The following LMO3 variants were observed in gnomAD, a reference collection of about 807,000 sequenced individuals.
The protein encoded by LMO3 is LIM domain only protein 3.
Under a neutral mutation model 15.8 loss-of-function variants are expected in LMO3, and 2 were observed. The observed-to-expected ratio is 0.13, with a 90% CI of 0.05 to 0.40. The LOEUF is 0.40. Among genes scored for constraint, LMO3 ranks in the 10% least tolerant of loss-of-function variants. The pLI, the probability that LMO3 is intolerant of heterozygous loss-of-function variation, is 0.99. For synonymous variants in LMO3, 62 were observed against 63.8 expected (o/e 0.97, Z 0.13); for missense variants, 86 against 182.2 (o/e 0.47, Z 3.04).
intron 3 of LMO3, among the ~76,000 whole-genome samples, chr12:16,557,653 G>C (rs975582523): frequency 1.3e-5 from 2 of 152,022 alleles, no homozygotes; most frequent in African/African-American, 4.8e-5. Context: ...AGTCAAGTTA[G>C]TGGACTATTA....
chr12:16,581,589 A>G (rs1943160988), intron 2 of LMO3, among the ~76,000 whole-genome samples: 2 of 152,194 alleles, frequency 1.3e-5, no homozygotes. Context: ...TCTGAGTTTC[A>G]TTCTGTTGAC....
chr12:16,552,090 G>T (rs1428842625), intron 3 of LMO3, among the ~76,000 whole-genome samples: 1 of 152,016 alleles, frequency 6.6e-6, no homozygotes, highest in Admixed American at 6.6e-5. Flanking sequence ...ATTGTTTAAT[G>T]TGCAAGACTG....
chr12:16,605,722 A>C, intron 1 of LMO3: 1 of 1,510,378 alleles, frequency 6.6e-7, no homozygotes, highest in Non-Finnish European at 8.9e-7. Context: ...GTGTGGAAAT[A>C]CTGCAGTTCA....
chr12:16,590,309 A>T (rs910252488), intron 2 of LMO3, among the ~76,000 whole-genome samples: 1 of 152,088 alleles, frequency 6.6e-6, no homozygotes, highest in African/African-American at 2.4e-5. Context: ...ACAAACTCTC[A>T]TGTAACATTT....
intron 2 of LMO3, among the ~76,000 whole-genome samples, chr12:16,561,671 G>A (rs1942410854): frequency 3.3e-5 from 5 of 152,174 alleles, no homozygotes; most frequent in Admixed American, 1.3e-4. Flanking sequence ...ACTCCAAAGA[G>A]AAGTCTTTTC....
Position 16,598,830 on chromosome 12 carries a change from T to C in LMO3, c.206+1825A>G, listed in dbSNP as rs1484350178. 1 of 185,930 alleles carries C rather than the reference T, an allele frequency of 5.4e-6. No individual in the cohort carries two copies. Among genetic ancestry groups the C allele is most frequent in the Admixed American group, 5.9e-5 (1 of 16,926 alleles). The allele number at this position is 185,930 out of a possible 1,614,324, so 11.5% of individuals were successfully genotyped here. ...CCTTGGCAAATTTTTATTTTTGTTT[T>C]CAAAAACCCCAGATATTTCAGTTGA... On this transcript the variant is annotated intron_variant, in intron 2 of 3. Coordinates refer to ENST00000537304, the MANE Select transcript of LMO3 (RefSeq NM_018640.5). This position sits in a 1 kb window ranked among gnomAD's most constrained non-coding sequence, Gnocchi z 4.3.
chr12:16,551,018 T>G lies in LMO3; in HGVS notation c.*204A>C. 1 of 487,766 alleles carries G rather than the reference T, an allele frequency of 2.1e-6. No individual in the cohort carries two copies. Among genetic ancestry groups the G allele is most frequent in the Non-Finnish European group, 3.7e-6 (1 of 272,112 alleles). The allele number at this position is 487,766 out of a possible 1,614,324, so 30.2% of individuals were successfully genotyped here. A position where few individuals can be genotyped will look rare whatever the true frequency, so the allele number is the denominator to read the frequency against. ...AATCCAGCCATATGTACATTACTTTTTTCTTTAATAATAAACATTCAACTC... is the reference window on the plus strand; with the variant it reads ...AATCCAGCCATATGTACATTACTTTGTTCTTTAATAATAAACATTCAACTC... On this transcript the variant is annotated 3_prime_UTR_variant, in exon 4 of 4. Coordinates refer to ENST00000537304, the MANE Select transcript of LMO3 (RefSeq NM_018640.5).
chr12:16,576,125 A>G lies in LMO3; in HGVS notation c.207-15587T>C, dbSNP rs1055887550. On this transcript the variant is annotated intron_variant, in intron 2 of 3. Coordinates refer to ENST00000537304, the MANE Select transcript of LMO3 (RefSeq NM_018640.5). This position sits in a 1 kb window ranked among gnomAD's most constrained non-coding sequence, Gnocchi z 4.1. ...TCATACTACAACCTCCCAGCTGAAC[A>G]TCTTTCCACCAGCCTGCCCTGCCCT... 4.6e-5 allele frequency among the ~76,000 whole-genome samples: 7 copies of G among 152,006 alleles called. No individual in the cohort carries two copies. The highest frequency in any genetic ancestry group is 8.8e-5 in the Non-Finnish European group (6 of 67,996).
At position 16,598,783 on chromosome 12, in the gene LMO3, T is replaced by A. The variant is rs781290521; in HGVS notation, c.206+1872A>T. ...CTATGTTGACAGCTAAGAAGCATGT[T>A]ATACTCACAATATAGGTATTTCCTT... is the stretch of plus-strand genomic sequence containing the variant. On this transcript the variant is annotated intron_variant, in intron 2 of 3. Transcript: ENST00000537304. This position sits in a 1 kb window ranked among gnomAD's most constrained non-coding sequence, Gnocchi z 4.3. 11 of 161,998 alleles carry A rather than the reference T, an allele frequency of 6.8e-5. No homozygotes were observed. The highest frequency in any genetic ancestry group is 1.1e-4 in the Non-Finnish European group (8 of 72,614). 10.0% of individuals were successfully genotyped at this position (161,998 alleles called of 1,614,324 possible). A position where few individuals can be genotyped will look rare whatever the true frequency, so the allele number is the denominator to read the frequency against.
Position 16,604,356 on chromosome 12 carries a change from C to T in LMO3, c.-9+1710G>A, listed in dbSNP as rs541251190. Among the ~76,000 whole-genome samples, 99 of 152,092 alleles carry T rather than the reference C, an allele frequency of 6.5e-4. No homozygotes were observed. The South Asian group carries it at 1.0e-2, about 15-fold the overall frequency. On this transcript the variant is annotated intron_variant, in intron 1 of 3. Coordinates refer to ENST00000537304, the MANE Select transcript of LMO3 (RefSeq NM_018640.5). The surrounding 1 kb of genome is among the most constrained non-coding windows in gnomAD (Gnocchi z 5.3). ...TCCCAGCCCCCTTCCCTATCCTTCA[C>T]CCCCCTCCCCTTTTTGAGCAATGGA... is the stretch of plus-strand genomic sequence containing the variant.
At chr12:16,606,013 GAC>G (rs1943984693) in intron 1 of LMO3, 51 bp downstream of exon 1, 1 of 607,622 alleles carries the variant, frequency 1.6e-6, no homozygotes, top group East Asian at 2.8e-5. Flanking sequence ...CGCACCCGCA[GAC>G]ACACACACCA....
chr12:16,554,467 A>G (rs1942110539), intron 3 of LMO3, among the ~76,000 whole-genome samples: 1 of 152,130 alleles, frequency 6.6e-6, no homozygotes, highest in African/African-American at 2.4e-5. Context: ...TTTCAATAAG[A>G]AGTCCGGGTT....
rs976050562 is a variant in LMO3, at chr12:16,582,511, A to C, written c.206+18144T>G. Among the ~76,000 whole-genome samples, 1 of 152,188 alleles carries C rather than the reference A, an allele frequency of 6.6e-6. No individual in the cohort carries two copies. Among genetic ancestry groups the C allele is most frequent in the African/African-American group, 2.4e-5 (1 of 41,440 alleles). ...AAGCTGCTTTACATATTTTGAACTT[A>C]AGCTTCCTGTGTAACACTTAATTGT... On this transcript the variant is annotated intron_variant, in intron 2 of 3. Transcript: ENST00000537304. This position sits in a 1 kb window ranked among gnomAD's most constrained non-coding sequence, Gnocchi z 4.1.
At chr12:16,605,854 T>C (rs1943978459) in intron 1 of LMO3, 2 of 1,529,124 alleles carry the variant, frequency 1.3e-6, no homozygotes, top group Non-Finnish European at 1.8e-6. Flanking sequence ...ATAAAAATAA[T>C]GAAGCCTCAC....
At chr12:16,563,897 T>C (rs1942492788) in intron 2 of LMO3, among the ~76,000 whole-genome samples, 1 of 152,226 alleles carries the variant, frequency 6.6e-6, no homozygotes, top group African/African-American at 2.4e-5. Flanking sequence ...GATTATTAAA[T>C]CATGATACAT....
intron 2 of LMO3, among the ~76,000 whole-genome samples, chr12:16,588,854 C>CTTA (rs1943404374): frequency 6.6e-6 from 1 of 152,024 alleles, no homozygotes; most frequent in Non-Finnish European, 1.5e-5. Flanking sequence ...TCTCCCTTAT[C>CTTA]TTATCTTCAT....
chr12:16,555,656 G>T lies in LMO3; in HGVS notation c.333-4329C>A, dbSNP rs914210413. The stretch of plus-strand genomic sequence containing the variant: ...AAGTTTACAATTTCATTTCCTCTAG[G>T]TGCTTGCTCTCTTTCTACTCCTCCA... On this transcript the variant is annotated intron_variant, in intron 3 of 3. Transcript: ENST00000537304. The surrounding 1 kb of genome is among the most constrained non-coding windows in gnomAD (Gnocchi z 5.5). Among the ~76,000 whole-genome samples the T allele has an allele frequency of 6.6e-6, 1 of 151,950 alleles. No individual in the cohort carries two copies. Among genetic ancestry groups the T allele is most frequent in the African/African-American group, 2.4e-5 (1 of 41,368 alleles).
intron 2 of LMO3, among the ~76,000 whole-genome samples, chr12:16,577,138 T>C (rs1035548350): frequency 3.3e-5 from 5 of 152,294 alleles, no homozygotes; most frequent in East Asian, 1.9e-4. Flanking sequence ...GTATCCCTCA[T>C]ATCTAGTGAT....
chr12:16,566,041 A>ATATATAT (rs1942599289), intron 2 of LMO3, among the ~76,000 whole-genome samples: 1 of 90,770 alleles, frequency 1.1e-5, no homozygotes, highest in African/African-American at 4.0e-5. Context: ...TATATATATA[A>ATATATAT]AATGGAGTAC....
Sources: gnomAD v4.1 joint callset for allele counts (sites outside exome capture counted in the v4.1 genomes callset) on GRCh38, gnomAD v4.1.1 for gene constraint, Gnocchi (gnomAD v3.1) non-coding constraint, MANE v1.5 for transcripts, NCBI Gene and HGNC (gene_info 2026-07-23, HGNC 2026-07-21) for gene names.